The following HDHD3 variants were observed in gnomAD, a reference collection of about 807,000 sequenced individuals.
HDHD3 encodes the protein haloacid dehalogenase like hydrolase domain containing 3.
HDHD3 carries 6 observed loss-of-function variants against 6.9 expected under a neutral mutation model. The observed-to-expected ratio is 0.87, with a 90% confidence interval of 0.48 to 1.72. The LOEUF is 1.72. Among genes scored for constraint, HDHD3 ranks in the 40% most tolerant of loss-of-function variants. The pLI is 0.01. For synonymous variants in HDHD3, 139 were observed against 140.7 expected (o/e 0.99, Z 0.08); for missense variants, 308 against 327.4 (o/e 0.94, Z 0.46).
chr9:113,374,573 C>G (rs1356813177), intron 2 of HDHD3, 44 bp from the exon 3 acceptor site: 2 of 422,458 alleles, frequency 4.7e-6, no homozygotes, highest in Non-Finnish European at 8.3e-6. Context: ...CAGGCCCTGA[C>G]ATCAGACAGA....
At chr9:113,375,168 CCAT>C (rs1472366490) in intron 2 of HDHD3, among the ~76,000 whole-genome samples, 1 of 152,184 alleles carries the variant, frequency 6.6e-6, no homozygotes, top group East Asian at 1.9e-4. Context: ...CAGGCATGAG[CCAT>C]CACTCCCAGC....
chr9:113,373,587 C>T lies in HDHD3; in HGVS notation c.*12G>A, dbSNP rs374603680. The T allele has an allele frequency of 1.3e-6, 2 of 1,541,774 alleles. No individual in the cohort carries two copies. Among genetic ancestry groups the T allele is most frequent in the African/African-American group, 2.8e-5 (2 of 72,528 alleles). On this transcript the variant is annotated 3_prime_UTR_variant, in exon 3 of 3. Transcript: ENST00000374180. Reference sequence around the variant, plus strand: ...TCCATGGCCTAGGGCCCAGCCACTTCCCTCACTGGCCTCAAAGCCCTGGAG... The same window carrying T: ...TCCATGGCCTAGGGCCCAGCCACTTTCCTCACTGGCCTCAAAGCCCTGGAG...
At chr9:113,374,746 A>G (rs542657284) in intron 2 of HDHD3, among the ~76,000 whole-genome samples, 286 of 152,396 alleles carry the variant, frequency 1.9e-3, no homozygotes, top group Admixed American at 4.7e-3. Context: ...TACGGATATT[A>G]GGCAAAGAAC....
chr9:113,373,624 A>T lies in HDHD3; in HGVS notation c.731T>A (p.Leu244Gln). ...LAHLLPALDC[L>Q]EGSTPGL ...TCAAAGCCCTGGAGTTGAGCCCTCT[A>T]GGCAGTCAAGGGCAGGCAGGAGATG... is the stretch of plus-strand genomic sequence containing the variant. The change falls in exon 3 of 3, where the codon CTA (leucine) becomes CAA (glutamine). Residue 244 changes from leucine (L) to glutamine (Q), a missense_variant. Coordinates refer to ENST00000374180, the MANE Select transcript of HDHD3 (RefSeq NM_001304509.2). 6.3e-7 allele frequency: 1 copy of T among 1,598,484 alleles called. No homozygotes were observed. Among genetic ancestry groups the T allele is most frequent in the South Asian group, 1.1e-5 (1 of 88,520 alleles).
chr9:113,374,362 G>A lies in HDHD3; in HGVS notation c.-8C>T, dbSNP rs1484181054. The A allele has an allele frequency of 9.3e-6, 14 of 1,508,242 alleles. No individual in the cohort carries two copies. Among genetic ancestry groups the A allele is most frequent in the Non-Finnish European group, 1.2e-5 (14 of 1,127,712 alleles). The allele number at this position is 1,508,242 out of a possible 1,614,324, so 93.4% of individuals were successfully genotyped here. A position where few individuals can be genotyped will look rare whatever the true frequency, so the allele number is the denominator to read the frequency against. ...CTGCAGCCGGTGTGCCATGGAGGAG[G>A]CCAAGTCCACCCCAGTTCTGCCTCA... On this transcript the variant is annotated 5_prime_UTR_variant, in exon 3 of 3. Transcript: ENST00000374180.
At chr9:113,375,830 T>C (rs988094328) in intron 1 of HDHD3, 2 of 152,140 alleles carry the variant, frequency 1.3e-5, no homozygotes, top group African/African-American at 4.8e-5. Context: ...TACGGCTAAG[T>C]TGATACTTAG....
Position 113,373,843 on chromosome 9 carries a change from C to CG in HDHD3, c.511dup (p.Arg171ProfsTer23), listed in dbSNP as rs1461570485. On this transcript the variant is annotated frameshift_variant, in exon 3 of 3. Coordinates refer to ENST00000374180, the MANE Select transcript of HDHD3 (RefSeq NM_001304509.2). LOFTEE classifies it high-confidence loss of function. Reference sequence around the variant, plus strand: ...AAGCCGCAAGGCCTCCTGGAAAATGCGGGGGTCCGGCTTGGGCCAGCCAGC... The same window carrying CG: ...AAGCCGCAAGGCCTCCTGGAAAATGCGGGGGGTCCGGCTTGGGCCAGCCAGC... 6.2e-7 allele frequency: 1 copy of CG among 1,614,142 alleles called. No individual in the cohort carries two copies. The highest frequency in any genetic ancestry group is 1.1e-5 in the South Asian group (1 of 91,084).
In HDHD3 at chr9:113,374,055, C is replaced by T. The variant is rs367640592; in HGVS notation, c.300G>A (p.Gln100=). 5.0e-6 allele frequency: 8 copies of T among 1,613,882 alleles called. No homozygotes were observed. The highest frequency in any genetic ancestry group is 6.8e-6 in the Non-Finnish European group (8 of 1,179,872). ...DAQAVAPIAE[Q]LYKDFSHPCT... is the part of the protein sequence containing the mutation. ...AGGGGTGGCTGAAGTCTTTATAAAG[C>T]TGTTCAGCGATGGGGGCTACAGCCT... Residue 100 remains glutamine, a synonymous_variant, in exon 3 of 3, where the codon CAG becomes CAA. Coordinates refer to ENST00000374180, the MANE Select transcript of HDHD3 (RefSeq NM_001304509.2).
In HDHD3 at chr9:113,374,204, G is replaced by A; in HGVS notation, c.151C>T (p.Gln51Ter). Residue 51 changes from glutamine (Q) to a stop codon, truncating the protein, a stop_gained, in exon 3 of 3, where the codon CAG becomes TAG. Coordinates refer to ENST00000374180, the MANE Select transcript of HDHD3 (RefSeq NM_001304509.2). LOFTEE classifies it high-confidence loss of function. Reference protein sequence around the residue: ...EPSALEQGFRQAYRAQSHSFP... With the variant: ...EPSALEQGFR ...CTGTGGCTCTGAGCCCTGTATGCCTGCCTGAAGCCTTGTTCCAGGGCTGAG... is the reference window on the plus strand; with the variant it reads ...CTGTGGCTCTGAGCCCTGTATGCCTACCTGAAGCCTTGTTCCAGGGCTGAG... The A allele has an allele frequency of 6.2e-7, 1 of 1,606,954 alleles. No individual in the cohort carries two copies. Among genetic ancestry groups the A allele is most frequent in the East Asian group, 2.2e-5 (1 of 44,726 alleles).
At chr9:113,375,658 A>G (rs1397402909) in intron 1 of HDHD3, 91 bp from the exon 2 acceptor site, 1 of 152,338 alleles carries the variant, frequency 6.6e-6, no homozygotes, top group Non-Finnish European at 1.5e-5. Context: ...ACTGGAGGTA[A>G]TAACACTGGC....
At chr9:113,374,948 C>T (rs1189888363) in intron 2 of HDHD3, among the ~76,000 whole-genome samples, 2 of 151,970 alleles carry the variant, frequency 1.3e-5, no homozygotes, top group South Asian at 2.1e-4. Context: ...ATTGCAGCCT[C>T]GATCTCCCAG....
In HDHD3 at chr9:113,373,552, T is replaced by G. The variant is rs759057332; in HGVS notation, c.*47A>C. ...GGGCTCCCTGTCTCCAGGGTTTGTT[T>G]AAGGTTTTCTCCATGGCCTAGGGCC... is the stretch of plus-strand genomic sequence containing the variant. On this transcript the variant is annotated 3_prime_UTR_variant, in exon 3 of 3. Transcript: ENST00000374180. The G allele has an allele frequency of 2.0e-6, 3 of 1,508,126 alleles. No individual in the cohort carries two copies. Among genetic ancestry groups the G allele is most frequent in the South Asian group, 2.7e-5 (2 of 75,230 alleles). 93.4% of individuals were successfully genotyped at this position (1,508,126 alleles called of 1,614,324 possible).
rs758132873 is a variant in HDHD3 at position 113,373,893 on chromosome 9, G to C, written c.462C>G (p.Phe154Leu). The C allele has an allele frequency of 8.1e-5, 131 of 1,614,124 alleles. No individual in the cohort carries two copies. Among genetic ancestry groups the C allele is most frequent in the Non-Finnish European group, 1.1e-4 (129 of 1,180,046 alleles). Reference protein sequence around the residue: ...ILGGLGLREHFDFVLTSEAAG... With the variant: ...ILGGLGLREHLDFVLTSEAAG... ...CAGCCTCGGAGGTCAGCACAAAGTC[G>C]AAGTGTTCACGCAGGCCAAGGCCCC... Residue 154 changes from phenylalanine (F) to leucine (L), a missense_variant, in exon 3 of 3, where the codon TTC (phenylalanine) becomes TTG (leucine). Transcript: ENST00000374180.
chr9:113,375,958 G>A (rs1834448633), intron 1 of HDHD3: 1 of 151,732 alleles, frequency 6.6e-6, no homozygotes, highest in Non-Finnish European at 1.5e-5. Context: ...GAGACCCAGT[G>A]AGGGGCAGTA....
In HDHD3 at chr9:113,374,414, C is replaced by G; in HGVS notation, c.-60G>C. The G allele has an allele frequency of 6.9e-7, 1 of 1,459,842 alleles. No homozygotes were observed. The allele number at this position is 1,459,842 out of a possible 1,614,324, so 90.4% of individuals were successfully genotyped here. On this transcript the variant is annotated 5_prime_UTR_variant, in exon 3 of 3. Transcript: ENST00000374180. The stretch of plus-strand genomic sequence containing the variant: ...GTCCCACGGTGGGTCCCAGGGGAAG[C>G]TGAGCTGGATAAGACCACCTCTGCG...
In HDHD3 at chr9:113,376,910, T is replaced by C. The variant is rs1834481277; in HGVS notation, c.-472A>G. On this transcript the variant is annotated 5_prime_UTR_variant, in exon 1 of 3. Transcript: ENST00000374180. ...GCGTCCACGGCTCCGGGCCGGTTCC[T>C]GGGCCCAGGACCCACCTGACTCACA... 2 of 152,182 alleles carry C rather than the reference T, an allele frequency of 1.3e-5. No individual in the cohort carries two copies. The highest frequency in any genetic ancestry group is 6.5e-5 in the Admixed American group (1 of 15,288). The allele number at this position is 152,182 out of a possible 1,614,324, so 9.4% of individuals were successfully genotyped here.
In HDHD3 at chr9:113,375,464, G is replaced by A. The variant is rs963518466; in HGVS notation, c.-187C>T. 5.3e-5 allele frequency: 8 copies of A among 152,324 alleles called. No homozygotes were observed. The highest frequency in any genetic ancestry group is 1.9e-4 in the African/African-American group (8 of 41,478). 9.4% of individuals were successfully genotyped at this position (152,324 alleles called of 1,614,324 possible). Reference sequence around the variant, plus strand: ...GGGCAGGTACTTACCCAAGGTCACAGTGAGTCAGTGGCACAGCCAGGACCA... The same window carrying A: ...GGGCAGGTACTTACCCAAGGTCACAATGAGTCAGTGGCACAGCCAGGACCA... On this transcript the variant is annotated 5_prime_UTR_variant, in exon 2 of 3. Transcript: ENST00000374180.
rs764853990 is a variant in HDHD3 at position 113,374,249 on chromosome 9, G to A, written c.106C>T (p.His36Tyr). Residue 36 changes from histidine to tyrosine, a missense_variant, in exon 3 of 3, where the codon CAT becomes TAT. Physicochemically the swap from His to Tyr is moderately conservative, Grantham distance 83. Coordinates refer to ENST00000374180, the MANE Select transcript of HDHD3 (RefSeq NM_001304509.2). ...GCTGAGGGCTCCACCTCCAGCCCAT[G>A]GGCCCGGGCCTTGGTGGCATAGGCC... is the stretch of plus-strand genomic sequence containing the variant. ...GEAYATKARA[H>Y]GLEVEPSALE... 6.2e-7 allele frequency: 1 copy of A among 1,602,452 alleles called. No homozygotes were observed. Among genetic ancestry groups the A allele is most frequent in the Admixed American group, 1.7e-5 (1 of 58,784 alleles).
chr9:113,374,968 A>G (rs1194406888), intron 2 of HDHD3, among the ~76,000 whole-genome samples: 2 of 151,652 alleles, frequency 1.3e-5, no homozygotes, highest in African/African-American at 4.8e-5. Flanking sequence ...GGCTCAGTCA[A>G]TCCTCCTGCT....
Sources: allele counts gnomAD v4.1 joint callset (sites outside exome capture counted in the v4.1 genomes callset), GRCh38; gene constraint gnomAD v4.1.1; transcripts MANE v1.5; gene names NCBI Gene and HGNC (gene_info 2026-07-23, HGNC 2026-07-21).